The following MAPK7 variants were observed in gnomAD, a reference collection of about 807,000 sequenced individuals.
The protein encoded by MAPK7 is mitogen-activated protein kinase 7, also known as BMK-1.
In MAPK7, 30 loss-of-function variants were observed where a neutral mutation model predicts 56.9. That is an observed-to-expected ratio of 0.53 (90% confidence interval 0.39 to 0.72). The LOEUF is 0.72. Ranked by LOEUF, MAPK7 falls within the 30% of genes least tolerant of loss-of-function variation. MAPK7 has a pLI of 0.00. For synonymous variants in MAPK7, 516 were observed against 449.3 expected (o/e 1.15, Z -1.88); for missense variants, 952 against 1,110.8 (o/e 0.86, Z 2.03).
chr17:19,380,452 C>T (rs752609883), intron 3 of MAPK7, 156 bp from the exon 4 acceptor site: 25 of 1,418,520 alleles, frequency 1.8e-5, no homozygotes, highest in East Asian at 5.1e-5. Context: ...GAATCTAAAA[C>T]GTGATGCTCT....
At chr17:19,377,822 G>C, upstream of MAPK7, 1 of 985,002 alleles carries the variant, frequency 1.0e-6, no homozygotes, top group Non-Finnish European at 1.2e-6. Flanking sequence ...CAAAGCACGG[G>C]AATCGCGGGA....
Position 19,379,908 on chromosome 17 carries a change from T to C in MAPK7, c.359T>C (p.Ile120Thr). ...GACAACATCATCGCCATCAAGGACA[T>C]CCTGAGGCCCACCGTGCCCTATGGC... ...KHDNIIAIKDILRPTVPYGEF... is the reference protein window; with the variant it reads ...KHDNIIAIKDTLRPTVPYGEF... Residue 120 changes from isoleucine (I) to threonine (T), a missense_variant, in exon 3 of 7, where the codon ATC becomes ACC. Physicochemically the swap from Ile to Thr is moderately conservative, Grantham distance 89. This residue lies in a region of MAPK7 where 213 missense variants were observed against 243.2 expected (regional missense o/e 0.88). Transcript: ENST00000395604. 1 of 1,614,162 alleles carries C rather than the reference T, an allele frequency of 6.2e-7. No individual in the cohort carries two copies. Among genetic ancestry groups the C allele is most frequent in the Non-Finnish European group, 8.5e-7 (1 of 1,180,028 alleles).
chr17:19,382,695 TGACTGCCGA>T, intron 5 of MAPK7, 109 bp from the exon 6 acceptor site: 1 of 1,462,534 alleles, frequency 6.8e-7, no homozygotes, highest in East Asian at 2.3e-5. Context: ...CAGCACTCAC[TGACTGCCGA>T]GACTGGTGTT....
chr17:19,380,321 A>G (rs1413322449), intron 3 of MAPK7: 9 of 590,364 alleles, frequency 1.5e-5, no homozygotes, highest in Middle Eastern at 4.0e-4. Context: ...AACAATGGAG[A>G]TAGCCCCAAA....
Position 19,380,603 on chromosome 17 carries a change from T to G in MAPK7, c.399-5T>G, listed in dbSNP as rs770460032. 1.3e-6 allele frequency: 2 copies of G among 1,585,850 alleles called. No homozygotes were observed. Among genetic ancestry groups the G allele is most frequent in the Non-Finnish European group, 1.7e-6 (2 of 1,161,164 alleles). On this transcript the variant is annotated splice_polypyrimidine_tract_variant and splice_region_variant and intron_variant, in intron 3 of 6. Transcript: ENST00000395604. ...CCATGCTTCTCTCCTTCCTTCCCCT[T>G]CCAGCTACGTGGTCCTGGACCTGAT...
chr17:19,377,833 C>A, upstream of MAPK7: 3 of 985,362 alleles, frequency 3.0e-6, no homozygotes, highest in Non-Finnish European at 2.4e-6. Flanking sequence ...AATCGCGGGA[C>A]AGACAAACGA....
Position 19,381,143 on chromosome 17 carries a change from G to T in MAPK7, c.934G>T (p.Val312Leu), listed in dbSNP as rs751298326. Residue 312 changes from valine (V) to leucine (L), a missense_variant, in exon 4 of 7, where the codon GTG (valine) becomes TTG (leucine). This residue lies in a region of MAPK7 where 429 missense variants were observed against 533.0 expected (regional missense o/e 0.80). Coordinates refer to ENST00000395604, the MANE Select transcript of MAPK7 (RefSeq NM_002749.4). The surrounding 1 kb of genome is among the most constrained non-coding windows in gnomAD (Gnocchi z 4.6). Reference protein sequence around the residue: ...PPRQPVPWETVYPGADRQALS... With the variant: ...PPRQPVPWETLYPGADRQALS... ...ACGCCAGCCTGTGCCCTGGGAGACAGTGTACCCAGGTGCCGACCGCCAGGC... is the reference window on the plus strand; with the variant it reads ...ACGCCAGCCTGTGCCCTGGGAGACATTGTACCCAGGTGCCGACCGCCAGGC... 1 of 1,614,030 alleles carries T rather than the reference G, an allele frequency of 6.2e-7. No homozygotes were observed. The highest frequency in any genetic ancestry group is 1.1e-5 in the South Asian group (1 of 91,086).
In MAPK7 at chr17:19,380,881, G is replaced by A. The variant is rs534722574; in HGVS notation, c.672G>A (p.Thr224=). The A allele has an allele frequency of 1.7e-5, 27 of 1,614,142 alleles. No individual in the cohort carries two copies. The highest frequency in any genetic ancestry group is 9.3e-5 in the African/African-American group (7 of 75,052). Residue 224 remains threonine (T), a synonymous_variant, in exon 4 of 7, where the codon ACG becomes ACA. Transcript: ENST00000395604. ...ACTTCATGACTGAGTATGTGGCCACGCGCTGGTACCGTGCGCCCGAGCTCA... is the reference window on the plus strand; with the variant it reads ...ACTTCATGACTGAGTATGTGGCCACACGCTGGTACCGTGCGCCCGAGCTCA... ...HQYFMTEYVA[T]RWYRAPELML... is the part of the protein sequence containing the mutation.
rs573586298 is a variant in MAPK7, at chr17:19,378,855, C to G, written c.-5-41C>G. 9 of 1,490,790 alleles carry G rather than the reference C, an allele frequency of 6.0e-6. No individual in the cohort carries two copies. In the African/African-American group the frequency reaches 1.3e-4, roughly 21 times the overall value. The allele number at this position is 1,490,790 out of a possible 1,614,324, so 92.3% of individuals were successfully genotyped here. On this transcript the variant is annotated intron_variant, in intron 1 of 6. Transcript: ENST00000395604. This position sits in a 1 kb window ranked among gnomAD's most constrained non-coding sequence, Gnocchi z 5.4. ...CAGCCCGCAGAGGGGACACTGAGGC[C>G]CACGGTAGGTGGTCCTCTCCTCACC...
At chr17:19,377,895 G>C (rs998897902), upstream of MAPK7, 1 of 985,326 alleles carries the variant, frequency 1.0e-6, no homozygotes, top group African/African-American at 1.7e-5. Context: ...AGTCCAACTT[G>C]GCCGGAAGCT....
rs567470468 is a variant in MAPK7 at position 19,380,552 on chromosome 17, T to C, written c.399-56T>C. 12 of 1,538,844 alleles carry C rather than the reference T, an allele frequency of 7.8e-6. No homozygotes were observed. The East Asian group carries it at 2.5e-4, about 32-fold the overall frequency. ...GGAAGGGTGTGGTGAGGATGGGGCT[T>C]GTCCCTGGAGTGTGATCAGGCCAAC... On this transcript the variant is annotated intron_variant, in intron 3 of 6. Transcript: ENST00000395604.
At chr17:19,378,428 C>T (rs1567917161), upstream of MAPK7, 12 of 1,011,422 alleles carry the variant, frequency 1.2e-5, no homozygotes, top group African/African-American at 1.7e-5. This position sits in a 1 kb window ranked among gnomAD's most constrained non-coding sequence, Gnocchi z 5.4. Flanking sequence ...CCCTCCGCAG[C>T]AGTAGCTCAG....
At chr17:19,379,636 AGCACAGGGCTTG>A (rs777144834) in intron 2 of MAPK7, 134 bp from the exon 3 acceptor site, 4 of 689,896 alleles carry the variant, frequency 5.8e-6, no homozygotes. Flanking sequence ...TAACATGCTT[AGCACAGGGCTTG>A]GCACATAGTA....
chr17:19,381,619 C>A lies in MAPK7; in HGVS notation c.1410C>A (p.Ala470=). Reference sequence around the variant, plus strand: ...CTGCCCCACCAAAGAAAGATGGTGCCATCTCAGACAATACTAAGGCTGCCC... The same window carrying A: ...CTGCCCCACCAAAGAAAGATGGTGCAATCTCAGACAATACTAAGGCTGCCC... The part of the protein sequence containing the change: ...SEPAPPKKDG[A]ISDNTKAALK... Residue 470 remains alanine, a synonymous_variant, in exon 4 of 7, where the codon GCC becomes GCA. Transcript: ENST00000395604. This position sits in a 1 kb window ranked among gnomAD's most constrained non-coding sequence, Gnocchi z 4.6. The A allele has an allele frequency of 6.2e-7, 1 of 1,613,570 alleles. No homozygotes were observed. The highest frequency in any genetic ancestry group is 8.5e-7 in the Non-Finnish European group (1 of 1,179,762).
At position 19,383,421 on chromosome 17, in the gene MAPK7, A is replaced by AC; in HGVS notation, c.*194dup. On this transcript the variant is annotated 3_prime_UTR_variant, in exon 7 of 7. Transcript: ENST00000395604. ...CACCGAGCCATGGCAGGATCGGGAG[A>AC]CCCCAACTCCCCCTGAACAATCCTT... 3.8e-6 allele frequency: 2 copies of AC among 531,826 alleles called. No individual in the cohort carries two copies. Among genetic ancestry groups the AC allele is most frequent in the Non-Finnish European group, 3.3e-6 (1 of 302,988 alleles). The allele number at this position is 531,826 out of a possible 1,614,324, so 32.9% of individuals were successfully genotyped here.
At chr17:19,378,493 C>T, upstream of MAPK7, 1 of 1,045,788 alleles carries the variant, frequency 9.6e-7, no homozygotes, top group Non-Finnish European at 1.2e-6. The surrounding 1 kb of genome is among the most constrained non-coding windows in gnomAD (Gnocchi z 5.4). Context: ...CGGAGGGGGA[C>T]GGACAGGGCA....
Position 19,381,183 on chromosome 17 carries a change from G to A in MAPK7, c.974G>A (p.Gly325Asp), listed in dbSNP as rs773765852. 2 of 1,614,090 alleles carry A rather than the reference G, an allele frequency of 1.2e-6. No individual in the cohort carries two copies. The highest frequency in any genetic ancestry group is 1.1e-5 in the South Asian group (1 of 91,088). The change falls in exon 4 of 7, where the codon GGT becomes GAT. Residue 325 changes from glycine to aspartate, a missense_variant. Transcript: ENST00000395604. This position sits in a 1 kb window ranked among gnomAD's most constrained non-coding sequence, Gnocchi z 4.6. ...GACCGCCAGGCCCTATCACTGCTGG[G>A]TCGCATGCTGCGTTTTGAGCCCAGC... ...GADRQALSLL[G>D]RMLRFEPSAR...
Position 19,378,838 on chromosome 17 carries a change from A to G in MAPK7, c.-5-58A>G. On this transcript the variant is annotated intron_variant, in intron 1 of 6. Coordinates refer to ENST00000395604, the MANE Select transcript of MAPK7 (RefSeq NM_002749.4). The surrounding 1 kb of genome is among the most constrained non-coding windows in gnomAD (Gnocchi z 5.4). ...TCCCTGGTCCTGCTCCCCAGCCCGC[A>G]GAGGGGACACTGAGGCCCACGGTAG... 1 of 1,426,772 alleles carries G rather than the reference A, an allele frequency of 7.0e-7. No individual in the cohort carries two copies. 88.4% of individuals were successfully genotyped at this position (1,426,772 alleles called of 1,614,324 possible).
At position 19,381,933 on chromosome 17, in the gene MAPK7, G is replaced by A. The variant is rs543850595; in HGVS notation, c.1630G>A (p.Gly544Arg). Reference sequence around the variant, plus strand: ...GCAGGAGCGGGAGCGAAAGGAACGGGGGGCTGGGGCCTCTGGGGGCCCCTC... The same window carrying A: ...GCAGGAGCGGGAGCGAAAGGAACGGAGGGCTGGGGCCTCTGGGGGCCCCTC... ...RRQERERKERGAGASGGPSTD... is the reference protein window; with the variant it reads ...RRQERERKERRAGASGGPSTD... Residue 544 changes from glycine (G) to arginine (R), a missense_variant, in exon 5 of 7, where the codon GGG becomes AGG. Coordinates refer to ENST00000395604, the MANE Select transcript of MAPK7 (RefSeq NM_002749.4). The surrounding 1 kb of genome is among the most constrained non-coding windows in gnomAD (Gnocchi z 4.6). 9.0e-6 allele frequency: 14 copies of A among 1,552,222 alleles called. No homozygotes were observed. The African/African-American group carries it at 1.5e-4, about 17-fold the overall frequency.
Sources: allele counts gnomAD v4.1 joint callset, GRCh38; gene constraint gnomAD v4.1.1; regional missense constraint gnomAD v4.1.1; non-coding constraint Gnocchi (gnomAD v3.1); transcripts MANE v1.5; gene names NCBI Gene and HGNC (gene_info 2026-07-23, HGNC 2026-07-21).